SLC8A3: variants seen among roughly 807,000 people sequenced by gnomAD.
SLC8A3 encodes solute carrier family 8 member A3, also known as sodium/calcium exchanger 3.
A neutral mutation model predicts 65.4 loss-of-function variants in SLC8A3; 37 were observed. The observed-to-expected ratio is 0.57, with a 90% confidence interval of 0.44 to 0.74. The LOEUF (loss-of-function observed/expected upper bound fraction) is 0.74. Among genes scored for constraint, SLC8A3 ranks in the 30% least tolerant of loss-of-function variants. The probability of loss-of-function intolerance (pLI) is 0.00; values close to 1 mark genes in which losing one functional copy is unlikely to be tolerated. For missense variants in SLC8A3, 1,112 were observed against 1,172.1 expected (o/e 0.95, Z 0.75); for synonymous variants, 461 against 444.5 (o/e 1.04, Z -0.47).
intron 2 of SLC8A3, among the ~76,000 whole-genome samples, chr14:70,132,798 A>G (rs1894931077): frequency 6.6e-6 from 1 of 152,190 alleles, no homozygotes; most frequent in Admixed American, 6.5e-5. Flanking sequence ...GAGCTGAGAC[A>G]GTGGAGACAG....
intron 2 of SLC8A3, among the ~76,000 whole-genome samples, chr14:70,138,697 C>A (rs1895381308): frequency 6.6e-6 from 1 of 152,184 alleles, no homozygotes; most frequent in Admixed American, 6.5e-5. Context: ...GTCTTTGTAG[C>A]TGTACAGTGC....
At chr14:70,185,025 G>A (rs1303537128) in intron 1 of SLC8A3, among the ~76,000 whole-genome samples, 2 of 148,586 alleles carry the variant, frequency 1.3e-5, no homozygotes, top group African/African-American at 5.0e-5. Context: ...GGAGTGCAGT[G>A]GCTCATTCTC....
At chr14:70,100,381 G>T (rs1426355870) in intron 2 of SLC8A3, among the ~76,000 whole-genome samples, 2 of 152,210 alleles carry the variant, frequency 1.3e-5, no homozygotes, top group African/African-American at 4.8e-5. Context: ...TCTACTTAGG[G>T]ACAACAGCAC....
intron 2 of SLC8A3, among the ~76,000 whole-genome samples, chr14:70,140,544 G>C (rs1396800715): frequency 6.6e-6 from 1 of 152,156 alleles, no homozygotes; most frequent in East Asian, 1.9e-4. Flanking sequence ...TTGTGTCCTT[G>C]CTCCACCTCA....
intron 2 of SLC8A3, among the ~76,000 whole-genome samples, chr14:70,120,843 G>C (rs1414365157): frequency 1.3e-5 from 2 of 152,218 alleles, no homozygotes; most frequent in Non-Finnish European, 2.9e-5. Flanking sequence ...TGGAGGCACA[G>C]TGATCTTTAA....
At chr14:70,184,567 C>G (rs184436596) in intron 1 of SLC8A3, among the ~76,000 whole-genome samples, 1 of 152,176 alleles carries the variant, frequency 6.6e-6, no homozygotes, top group African/African-American at 2.4e-5. Flanking sequence ...TAACTCCTAC[C>G]TATCCTCCCT....
chr14:70,166,993 T>G lies in SLC8A3; in HGVS notation c.1430A>C (p.Asp477Ala). Residue 477 changes from aspartate to alanine, a missense_variant, in exon 2 of 7, where the codon GAT (aspartate) becomes GCT (alanine). By Grantham distance (126) the Asp-to-Ala change is moderately radical. Coordinates refer to ENST00000356921, the MANE Select transcript of SLC8A3 (RefSeq NM_182932.3). ...GIIDDDIFEEDEHFFVRLSNV... is the reference protein window; with the variant it reads ...GIIDDDIFEEAEHFFVRLSNV... Reference sequence around the variant, plus strand: ...GCTCAACCTTACAAAGAAGTGTTCATCCTCCTCAAAAATGTCGTCATCAAT... The same window carrying G: ...GCTCAACCTTACAAAGAAGTGTTCAGCCTCCTCAAAAATGTCGTCATCAAT... The G allele has an allele frequency of 6.2e-7, 1 of 1,614,116 alleles. No individual in the cohort carries two copies. Among genetic ancestry groups the G allele is most frequent in the South Asian group, 1.1e-5 (1 of 91,080 alleles).
intron 2 of SLC8A3, among the ~76,000 whole-genome samples, chr14:70,127,570 A>G (rs1462262076): frequency 1.3e-5 from 2 of 152,180 alleles, no homozygotes; most frequent in African/African-American, 4.8e-5. Context: ...CCAGCACCAG[A>G]AAGTGTTTTC....
In SLC8A3 at chr14:70,157,925, C is replaced by T. The variant is rs17107880; in HGVS notation, c.1784+8714G>A. Among the ~76,000 whole-genome samples the T allele has an allele frequency of 5.3e-3, 803 of 152,260 alleles. 8 individuals are homozygous for T. Among genetic ancestry groups the T allele is most frequent in the African/African-American group, 0.018 (764 of 41,542 alleles). ...TTTCTTAAGGGATCCTTTCATGGCA[C>T]CTTCTTGATCATGCAAAGAAATCAT... is the stretch of plus-strand genomic sequence containing the variant. On this transcript the variant is annotated intron_variant, in intron 2 of 6. Coordinates refer to ENST00000356921, the MANE Select transcript of SLC8A3 (RefSeq NM_182932.3).
At chr14:70,185,186 C>T (rs1289537777) in intron 1 of SLC8A3, among the ~76,000 whole-genome samples, 1 of 152,136 alleles carries the variant, frequency 6.6e-6, no homozygotes, top group Admixed American at 6.5e-5. Context: ...AGGCTGGTCT[C>T]GAACTTCTGA....
rs896160249 is a variant in SLC8A3 at position 70,170,675 on chromosome 14, A to G, written c.-62-2191T>C. ...TTTAGAGGCTATGTGGGACCTCTTTAAATTTCCAAAGCCTGTGCTCAAAGA... is the reference window on the plus strand; with the variant it reads ...TTTAGAGGCTATGTGGGACCTCTTTGAATTTCCAAAGCCTGTGCTCAAAGA... On this transcript the variant is annotated intron_variant, in intron 1 of 6. Coordinates refer to ENST00000356921, the MANE Select transcript of SLC8A3 (RefSeq NM_182932.3). 1.1e-4 allele frequency among the ~76,000 whole-genome samples: 16 copies of G among 152,224 alleles called. 1 individual carries two copies. Among genetic ancestry groups the G allele is most frequent in the Admixed American group, 1.0e-3 (16 of 15,286 alleles).
chr14:70,101,898 A>C (rs937812487), intron 2 of SLC8A3, among the ~76,000 whole-genome samples: 24 of 152,208 alleles, frequency 1.6e-4, no homozygotes, highest in African/African-American at 5.8e-4. Context: ...CTGAGAAGGC[A>C]GAAGATAAGA....
rs749762400 is a variant in SLC8A3 at position 70,125,880 on chromosome 14, A to G, written c.1784+40759T>C. On this transcript the variant is annotated intron_variant, in intron 2 of 6. Transcript: ENST00000356921. ...TTTTTTAAAGCTCCCAAGGTTGAGA[A>G]CCACTGGTTTAAGGAAAGGACAGTG... Among the ~76,000 whole-genome samples, 63 of 152,314 alleles carry G rather than the reference A, an allele frequency of 4.1e-4. 1 individual carries two copies. Among genetic ancestry groups the G allele is most frequent in the Admixed American group, 2.0e-3 (31 of 15,300 alleles).
intron 1 of SLC8A3, among the ~76,000 whole-genome samples, chr14:70,171,288 A>C (rs1310388015): frequency 6.6e-6 from 1 of 152,168 alleles, no homozygotes; most frequent in East Asian, 1.9e-4. Context: ...GAACATTGGG[A>C]TGGTAGAATC....
At chr14:70,074,395 G>T (rs1237992780) in intron 2 of SLC8A3, among the ~76,000 whole-genome samples, 1 of 152,214 alleles carries the variant, frequency 6.6e-6, no homozygotes, top group Non-Finnish European at 1.5e-5. Context: ...GAGTCAGTGG[G>T]CCTAAGTGCT....
At chr14:70,054,513 G>T (rs111508572) in intron 3 of SLC8A3, among the ~76,000 whole-genome samples, 1 of 151,680 alleles carries the variant, frequency 6.6e-6, no homozygotes, top group African/African-American at 2.4e-5. Flanking sequence ...ATTTATGTGA[G>T]GGGGGGCGGG....
At chr14:70,138,611 C>A (rs1479891248) in intron 2 of SLC8A3, among the ~76,000 whole-genome samples, 2 of 152,208 alleles carry the variant, frequency 1.3e-5, no homozygotes, top group Admixed American at 1.3e-4. Flanking sequence ...TTGCTGACAA[C>A]AACCACCTTT....
chr14:70,150,760 G>T (rs538737371), intron 2 of SLC8A3, among the ~76,000 whole-genome samples: 2 of 152,304 alleles, frequency 1.3e-5, no homozygotes, highest in South Asian at 2.1e-4. Flanking sequence ...AAGCTTTAAG[G>T]CACCGAGGAA....
rs2139694742 is a variant in SLC8A3 at position 70,048,761 on chromosome 14, T to C, written c.2389+6A>G. 1 of 1,613,134 alleles carries C rather than the reference T, an allele frequency of 6.2e-7. No individual in the cohort carries two copies. The highest frequency in any genetic ancestry group is 8.5e-7 in the Non-Finnish European group (1 of 1,179,588). The stretch of plus-strand genomic sequence containing the variant: ...CTTTGCAAATTCAAGCACCTCTCAC[T>C]CTCACCTGGGACAGAGGTGCCAAAT... On this transcript the variant is annotated splice_donor_region_variant and intron_variant, in intron 6 of 6. Transcript: ENST00000356921.
Sources: gnomAD v4.1 joint callset for allele counts (sites outside exome capture counted in the v4.1 genomes callset) on GRCh38, gnomAD v4.1.1 for gene constraint, MANE v1.5 for transcripts, NCBI Gene and HGNC (gene_info 2026-07-23, HGNC 2026-07-21) for gene names.